Variants in SH3GL3 observed in about 807,000 individuals in gnomAD.
SH3GL3 encodes the protein endophilin-A3.
A neutral mutation model predicts 47.7 loss-of-function variants in SH3GL3; 33 were observed. The ratio of observed to expected loss-of-function variants is 0.69; its 90% CI spans 0.52 to 0.92. The LOEUF is 0.92. SH3GL3 is among the 40% of genes least tolerant of loss of function. SH3GL3 has a pLI of 0.00. For synonymous variants in SH3GL3, 155 were observed against 148.8 expected, an observed-to-expected ratio of 1.04 and a Z score of -0.30; for missense variants, 363 against 417.8, an observed-to-expected ratio of 0.87 and a Z score of 1.14.
rs74024514 is a variant in SH3GL3, at chr15:83,592,560, A to G, written c.838+3789A>G. ...AAAGTTTGGCTTTCACTCCTCCCCA[A>G]GCTCTGGCCTGTTGCCGTGGGAACA... On this transcript the variant is annotated intron_variant, in intron 8 of 8. Transcript: ENST00000427482. 4.2e-3 allele frequency among the ~76,000 whole-genome samples: 633 copies of G among 152,282 alleles called. 9 individuals are homozygous for G. Among genetic ancestry groups the G allele is most frequent in the African/African-American group, 0.014 (601 of 41,542 alleles).
At chr15:83,547,834 T>G (rs1241846972) in intron 1 of SH3GL3, among the ~76,000 whole-genome samples, 1 of 151,752 alleles carries the variant, frequency 6.6e-6, no homozygotes, top group Non-Finnish European at 1.5e-5. Flanking sequence ...GAATATTTAG[T>G]CCATTTTCAT....
intron 8 of SH3GL3, among the ~76,000 whole-genome samples, chr15:83,617,404 CAGTGGAT>C (rs1183277214): frequency 9.2e-5 from 14 of 152,196 alleles, no homozygotes; most frequent in African/African-American, 3.4e-4. Context: ...TGGCCATGCA[CAGTGGAT>C]CACGCCTGTA....
At chr15:83,609,920 C>T (rs1022122721) in intron 8 of SH3GL3, among the ~76,000 whole-genome samples, 15 of 152,338 alleles carry the variant, frequency 9.8e-5, no homozygotes, top group African/African-American at 3.4e-4. Context: ...GATGCCATCT[C>T]TACTCTGGTG....
the SH3GL3 span, among the ~76,000 whole-genome samples, chr15:83,624,583 A>T: frequency 6.6e-6 from 1 of 152,206 alleles, no homozygotes; most frequent in South Asian, 2.1e-4. Flanking sequence ...GATTGAGGAC[A>T]AGTACAGTGA....
intron 1 of SH3GL3, among the ~76,000 whole-genome samples, chr15:83,494,809 G>A (rs2042016340): frequency 6.6e-6 from 1 of 152,140 alleles, no homozygotes; most frequent in Non-Finnish European, 1.5e-5. Context: ...TCCCCAGTGT[G>A]CTGGGATTAC....
At position 83,618,328 on chromosome 15, in the gene SH3GL3, T is replaced by C; in HGVS notation, c.*41T>C. On this transcript the variant is annotated 3_prime_UTR_variant, in exon 9 of 9. Transcript: ENST00000427482. ...TCTGGACATACTTTCGTAACTGAAATGAATTCACACCAGTGTGCTCTCAGT... is the reference window on the plus strand; with the variant it reads ...TCTGGACATACTTTCGTAACTGAAACGAATTCACACCAGTGTGCTCTCAGT... 1 of 1,266,076 alleles carries C rather than the reference T, an allele frequency of 7.9e-7. No homozygotes were observed. Among genetic ancestry groups the C allele is most frequent in the East Asian group, 2.3e-5 (1 of 43,266 alleles). The allele number at this position is 1,266,076 out of a possible 1,614,324, so 78.4% of individuals were successfully genotyped here.
chr15:83,515,944 C>G (rs1203134101), intron 1 of SH3GL3, among the ~76,000 whole-genome samples: 1 of 152,150 alleles, frequency 6.6e-6, no homozygotes, highest in Non-Finnish European at 1.5e-5. Context: ...ATATACATCA[C>G]AGTAATAAAT....
intron 1 of SH3GL3, among the ~76,000 whole-genome samples, chr15:83,480,143 A>C (rs57435380): frequency 2.6e-5 from 4 of 152,236 alleles, no homozygotes; most frequent in Admixed American, 2.0e-4. Flanking sequence ...ATTTTTATTT[A>C]TTTGAAAACT....
rs2060879779 is a variant in SH3GL3 at position 83,618,198 on chromosome 15, G to T, written c.955G>T (p.Asp319Tyr). 1 of 1,609,918 alleles carries T rather than the reference G, an allele frequency of 6.2e-7. No homozygotes were observed. The change falls in exon 9 of 9, where the codon GAT (aspartate) becomes TAT (tyrosine). Residue 319 changes from aspartate (D) to tyrosine (Y), a missense_variant. Coordinates refer to ENST00000427482, the MANE Select transcript of SH3GL3 (RefSeq NM_003027.5). ...CATCATTACATTAACCAATCAAATA[G>T]ATGAAAACTGGTATGAAGGAATGAT... Reference protein sequence around the residue: ...GDIITLTNQIDENWYEGMIHG... With the variant: ...GDIITLTNQIYENWYEGMIHG...
At chr15:83,571,579 G>GT (rs921970348) in intron 4 of SH3GL3, among the ~76,000 whole-genome samples, 87 of 147,474 alleles carry the variant, frequency 5.9e-4, no homozygotes, top group East Asian at 4.4e-3. Flanking sequence ...GTATCTTTCT[G>GT]TTTTTTTTTT....
chr15:83,535,073 T>G (rs2043846186), intron 1 of SH3GL3, among the ~76,000 whole-genome samples: 1 of 149,086 alleles, frequency 6.7e-6, no homozygotes, highest in African/African-American at 2.5e-5. Flanking sequence ...TATTTTTTAG[T>G]TTTTGAAAAA....
At chr15:83,568,301 C>CA (rs1241783648) in intron 3 of SH3GL3, among the ~76,000 whole-genome samples, 1 of 152,096 alleles carries the variant, frequency 6.6e-6, no homozygotes, top group Admixed American at 6.5e-5. Context: ...ACCATCATTT[C>CA]TATGGTTCAT....
intron 8 of SH3GL3, among the ~76,000 whole-genome samples, chr15:83,607,937 G>A (rs922314579): frequency 2.0e-5 from 3 of 151,634 alleles, no homozygotes; most frequent in Admixed American, 6.6e-5. Flanking sequence ...TGCAATAGAG[G>A]GGTCACCTGC....
intron 8 of SH3GL3, among the ~76,000 whole-genome samples, chr15:83,612,282 G>A (rs1375148825): frequency 3.9e-5 from 6 of 152,220 alleles, no homozygotes; most frequent in Admixed American, 6.5e-5. Flanking sequence ...GAACATCATG[G>A]TGGCAGGTAG....
chr15:83,533,074 T>TTC (rs2043752293), intron 1 of SH3GL3, among the ~76,000 whole-genome samples: 1 of 152,102 alleles, frequency 6.6e-6, no homozygotes, highest in Non-Finnish European at 1.5e-5. Flanking sequence ...GAGGAGAGTG[T>TTC]TTATTGAGTG....
chr15:83,511,968 A>G (rs542854849), intron 1 of SH3GL3, among the ~76,000 whole-genome samples: 6 of 152,278 alleles, frequency 3.9e-5, no homozygotes, highest in Admixed American at 3.3e-4. Flanking sequence ...CAGGCCTTGG[A>G]TGGACAGTCA....
At position 83,559,471 on chromosome 15, in the gene SH3GL3, G is replaced by A. The variant is rs1463845570; in HGVS notation, c.114+150G>A. On this transcript the variant is annotated intron_variant, in intron 2 of 8. Transcript: ENST00000427482. ...AATCTACAAGGCAGTACTTTCCCAC[G>A]TCCCAGCCCAAATCAGATCCTCCCC... is the stretch of plus-strand genomic sequence containing the variant. 1.2e-5 allele frequency: 7 copies of A among 586,042 alleles called. No individual in the cohort carries two copies. The East Asian group carries it at 2.0e-4, about 17-fold the overall frequency. The allele number at this position is 586,042 out of a possible 1,614,324, so 36.3% of individuals were successfully genotyped here.
At chr15:83,601,882 A>G (rs1232246497) in intron 8 of SH3GL3, among the ~76,000 whole-genome samples, 1 of 143,126 alleles carries the variant, frequency 7.0e-6, no homozygotes. Flanking sequence ...GCTGCTTGTT[A>G]TTGGTCTGTT....
intron 1 of SH3GL3, among the ~76,000 whole-genome samples, chr15:83,460,188 C>G (rs1226781705): frequency 6.6e-6 from 1 of 150,532 alleles, no homozygotes; most frequent in African/African-American, 2.5e-5. Flanking sequence ...GCAGCCTTGA[C>G]CTCCTGGGCT....
Sources: allele counts gnomAD v4.1 joint callset (sites outside exome capture counted in the v4.1 genomes callset), GRCh38; gene constraint gnomAD v4.1.1; transcripts MANE v1.5; gene names NCBI Gene and HGNC (gene_info 2026-07-23, HGNC 2026-07-21).